Variants in RTN4 observed in about 807,000 individuals in gnomAD.
RTN4 encodes the protein reticulon-4.
In RTN4, 32 loss-of-function variants were observed where a neutral mutation model predicts 90.4. That is an observed-to-expected ratio of 0.35 (90% confidence interval 0.27 to 0.48). The LOEUF (loss-of-function observed/expected upper bound fraction) is 0.48, where lower values mean the gene tolerates loss of function less well. Among genes scored for constraint, RTN4 ranks in the 20% least tolerant of loss-of-function variants. The pLI is 0.99. For synonymous variants in RTN4, 629 were observed against 552.5 expected, an observed-to-expected ratio of 1.14 and a Z score of -1.94; for missense variants, 1,706 against 1,430.2, an observed-to-expected ratio of 1.19 and a Z score of -3.11.
At chr2:54,987,126 A>C (rs188166580) in intron 4 of RTN4, among the ~76,000 whole-genome samples, 2 of 152,332 alleles carry the variant, frequency 1.3e-5, no homozygotes, top group Admixed American at 6.5e-5. Flanking sequence ...AAGATACGAA[A>C]TATCAGAAAG....
At chr2:55,007,150 C>T (rs996065607) in intron 3 of RTN4, among the ~76,000 whole-genome samples, 3 of 152,118 alleles carry the variant, frequency 2.0e-5, no homozygotes, top group African/African-American at 4.8e-5. Context: ...CTTCATGTTG[C>T]CCCTTGAGTC....
intron 5 of RTN4, among the ~76,000 whole-genome samples, chr2:54,977,394 G>A (rs1461714298): frequency 2.2e-5 from 3 of 134,650 alleles, no homozygotes; most frequent in African/African-American, 8.7e-5. Context: ...AGCTATTTCT[G>A]GAGCTCAGGC....
At chr2:55,131,365 T>C in the RTN4 span, among the ~76,000 whole-genome samples, 1 of 151,858 alleles carries the variant, frequency 6.6e-6, no homozygotes, top group African/African-American at 2.4e-5. Context: ...TGCACCACCA[T>C]ACCCAGCTAA....
chr2:55,125,016 G>C, the RTN4 span, among the ~76,000 whole-genome samples: 6 of 152,336 alleles, frequency 3.9e-5, no homozygotes, highest in African/African-American at 1.2e-4. Flanking sequence ...GCCATATGCG[G>C]AAGATTGAAA....
chr2:55,049,126 G>C (rs1253645511), intron 1 of RTN4: 1 of 985,680 alleles, frequency 1.0e-6, no homozygotes, highest in Admixed American at 6.2e-5. Flanking sequence ...CACTGGAGGC[G>C]CTCTCCCTTC....
intron 1 of RTN4, among the ~76,000 whole-genome samples, chr2:55,045,663 AC>A (rs953720722): frequency 2.6e-5 from 4 of 152,378 alleles, no homozygotes; most frequent in South Asian, 2.1e-4. Flanking sequence ...ATTAAAAAAA[AC>A]AATTTTGGTT....
chr2:55,088,279 G>A (rs1668879906), intron 1 of RTN4, among the ~76,000 whole-genome samples: 1 of 152,220 alleles, frequency 6.6e-6, no homozygotes, highest in Admixed American at 6.5e-5. Flanking sequence ...GGAAAAGTGG[G>A]AATGACAACT....
chr2:55,049,058 T>G (rs957004226), intron 1 of RTN4: 2 of 972,986 alleles, frequency 2.1e-6, no homozygotes, highest in African/African-American at 3.5e-5. Flanking sequence ...CCCGGGGAGC[T>G]GGGCGGTGGC....
chr2:55,121,187 A>T, the RTN4 span, among the ~76,000 whole-genome samples: 1 of 152,216 alleles, frequency 6.6e-6, no homozygotes, highest in South Asian at 2.1e-4. Flanking sequence ...ATGGGACTGG[A>T]AATAGACCAA....
intron 3 of RTN4, among the ~76,000 whole-genome samples, chr2:54,989,430 T>C (rs1213681096): frequency 1.3e-5 from 2 of 152,238 alleles, no homozygotes; most frequent in Non-Finnish European, 2.9e-5. Context: ...ATTCCACTAG[T>C]TTCTACTATT....
At chr2:54,997,418 A>T (rs926740980) in intron 3 of RTN4, among the ~76,000 whole-genome samples, 4 of 152,214 alleles carry the variant, frequency 2.6e-5, no homozygotes, top group Admixed American at 6.5e-5. Flanking sequence ...GGAATGTAAA[A>T]TTCAGCCACT....
intron 1 of RTN4, among the ~76,000 whole-genome samples, chr2:55,104,852 G>A (rs1464656680): frequency 2.6e-5 from 4 of 151,958 alleles, no homozygotes; most frequent in Non-Finnish European, 5.9e-5. Flanking sequence ...TGTCGCCCAG[G>A]CTGGAGTGCA....
At chr2:55,091,490 C>G (rs1413864332) in intron 1 of RTN4, among the ~76,000 whole-genome samples, 1 of 152,176 alleles carries the variant, frequency 6.6e-6, no homozygotes, top group Non-Finnish European at 1.5e-5. Flanking sequence ...GTAACACTTA[C>G]TTGTTGCTTG....
chr2:54,975,121 C>T (rs976959583), intron 5 of RTN4, among the ~76,000 whole-genome samples: 4 of 152,148 alleles, frequency 2.6e-5, no homozygotes, highest in Non-Finnish European at 4.4e-5. Flanking sequence ...GAATTGATTT[C>T]AAAGTATGAA....
rs1290409936 is a variant in RTN4 at position 55,025,433 on chromosome 2, T to C, written c.2666A>G (p.Tyr889Cys). ...TDSFSKLAREYTDLEVSHKSE... is the reference protein window; with the variant it reads ...TDSFSKLARECTDLEVSHKSE... Reference sequence around the variant, plus strand: ...TTTGTGGGATACTTCTAGGTCAGTATATTCCCTGGCTAATTTAGAAAATGA... The same window carrying C: ...TTTGTGGGATACTTCTAGGTCAGTACATTCCCTGGCTAATTTAGAAAATGA... The change falls in exon 3 of 9, where the codon TAT (tyrosine) becomes TGT (cysteine). Residue 889 changes from tyrosine (Y) to cysteine (C), a missense_variant. By Grantham distance (194) the Tyr-to-Cys change is radical. Coordinates refer to ENST00000337526, the MANE Select transcript of RTN4 (RefSeq NM_020532.5). 4 of 1,613,900 alleles carry C rather than the reference T, an allele frequency of 2.5e-6. No homozygotes were observed. The highest frequency in any genetic ancestry group is 3.4e-6 in the Non-Finnish European group (4 of 1,179,854).
intron 3 of RTN4, among the ~76,000 whole-genome samples, chr2:54,988,788 C>T (rs1319321444): frequency 6.6e-6 from 1 of 152,076 alleles, no homozygotes; most frequent in Non-Finnish European, 1.5e-5. Flanking sequence ...CAGACAAAGC[C>T]CAATTTAGCA....
chr2:55,050,452 G>C (rs1253676495), upstream of RTN4: 3 of 436,270 alleles, frequency 6.9e-6, no homozygotes, highest in Non-Finnish European at 1.2e-5. This position sits in a 1 kb window ranked among gnomAD's most constrained non-coding sequence, Gnocchi z 4.6. Context: ...CCGGAACAAT[G>C]AGACTGCTCC....
At chr2:54,974,090 G>T in intron 6 of RTN4, 1 of 466,570 alleles carries the variant, frequency 2.1e-6, no homozygotes, top group Non-Finnish European at 3.8e-6. Context: ...ACCATTTCTA[G>T]CTTCAAATCA....
intron 3 of RTN4, among the ~76,000 whole-genome samples, chr2:55,005,784 T>C (rs1468545158): frequency 1.3e-5 from 2 of 152,220 alleles, no homozygotes; most frequent in African/African-American, 2.4e-5. Context: ...ATGAAATTCA[T>C]TCTGTTTCAT....
Sources: allele counts gnomAD v4.1 joint callset (sites outside exome capture counted in the v4.1 genomes callset), GRCh38; gene constraint gnomAD v4.1.1; non-coding constraint Gnocchi (gnomAD v3.1); transcripts MANE v1.5; gene names NCBI Gene and HGNC (gene_info 2026-07-23, HGNC 2026-07-21).